The following RGL3 variants were observed in gnomAD, a reference collection of about 807,000 sequenced individuals.
RGL3 encodes ral guanine nucleotide dissociation stimulator-like 3.
Under a neutral mutation model 90.6 loss-of-function variants are expected in RGL3, and 85 were observed. The observed-to-expected ratio is 0.94, with a 90% confidence interval of 0.79 to 1.12. The LOEUF is 1.12. Among genes scored for constraint, RGL3 ranks in the 50% most tolerant of loss-of-function variants. The pLI, the probability that RGL3 is intolerant of heterozygous loss-of-function variation, is 0.00. For missense variants in RGL3, 1,034 were observed against 939.2 expected, an observed-to-expected ratio of 1.10 and a Z score of -1.32; for synonymous variants, 408 against 385.5, an observed-to-expected ratio of 1.06 and a Z score of -0.68.
At position 11,410,393 on chromosome 19, in the gene RGL3, T is replaced by C. The variant is rs929724429; in HGVS notation, c.638-3529A>G. Among the ~76,000 whole-genome samples the C allele has an allele frequency of 2.6e-5, 4 of 152,178 alleles. No individual in the cohort carries two copies. The South Asian group carries it at 8.3e-4, about 32-fold the overall frequency. Reference sequence around the variant, plus strand: ...CAGGTGGCATTGCAAAATATTAGTTTTTAGAAGTGGGTACTGGGCTGGGCA... The same window carrying C: ...CAGGTGGCATTGCAAAATATTAGTTCTTAGAAGTGGGTACTGGGCTGGGCA... On this transcript the variant is annotated intron_variant, in intron 5 of 18. Transcript: ENST00000380456.
At chr19:11,414,502 T>TATATATACACCTTC (rs1968953410) in intron 5 of RGL3, among the ~76,000 whole-genome samples, 2 of 79,152 alleles carry the variant, frequency 2.5e-5, no homozygotes, top group African/African-American at 5.1e-5. Flanking sequence ...TATATATATA[T>TATATATACACCTTC]ATATATATAT....
At position 11,414,134 on chromosome 19, in the gene RGL3, CATATATATAT is replaced by C. The variant is rs56098998; in HGVS notation, c.637+1793_637+1802del. On this transcript the variant is annotated intron_variant, in intron 5 of 18. Transcript: ENST00000380456. Reference sequence around the variant, plus strand: ...ATGACTTGGAATCAGCTGGAGAAATCATATATATATATATATATATATATATATATATATA... The same window carrying C: ...ATGACTTGGAATCAGCTGGAGAAATCATATATATATATATATATATATATA... 9.6e-3 allele frequency among the ~76,000 whole-genome samples: 291 copies of C among 30,422 alleles called. 7 individuals carry two copies. Among genetic ancestry groups the C allele is most frequent in the African/African-American group, 0.012 (70 of 5,782 alleles). 20.0% of individuals were successfully genotyped at this position (30,422 alleles called of 152,430 possible).
intron 4 of RGL3, 94 bp downstream of exon 4, chr19:11,416,520 C>T: frequency 8.0e-7 from 1 of 1,257,380 alleles, no homozygotes; most frequent in East Asian, 2.3e-5. Flanking sequence ...CTCTTATTAC[C>T]CAACCTGCAA....
chr19:11,405,202 G>A lies in RGL3; in HGVS notation c.1130C>T (p.Ser377Leu). Residue 377 changes from serine to leucine, a missense_variant, in exon 9 of 19, where the codon TCG becomes TTG. Physicochemically the swap from Ser to Leu is moderately radical, Grantham distance 145. Transcript: ENST00000380456. The stretch of plus-strand genomic sequence containing the variant: ...GTTGTTCTCATCGGAGAAAATCTGC[G>A]AAAGTTTCCTGAAAGTAGATAGCGG... ...REPLSTFRKL[S>L]QIFSDENNHL... 1 of 1,614,124 alleles carries A rather than the reference G, an allele frequency of 6.2e-7. No individual in the cohort carries two copies. The highest frequency in any genetic ancestry group is 2.2e-5 in the East Asian group (1 of 44,872).
At position 11,394,312 on chromosome 19, in the gene RGL3, G is replaced by A. The variant is rs1968526160; in HGVS notation, c.*90C>T. On this transcript the variant is annotated 3_prime_UTR_variant, in exon 19 of 19. Coordinates refer to ENST00000380456, the MANE Select transcript of RGL3 (RefSeq NM_001035223.4). ...TGGTGGTCCTGGGATACACAGCACAGTGGCCTCTACTGGGGGATGGCAGCT... is the reference window on the plus strand; with the variant it reads ...TGGTGGTCCTGGGATACACAGCACAATGGCCTCTACTGGGGGATGGCAGCT... 1.1e-6 allele frequency: 1 copy of A among 940,746 alleles called. No homozygotes were observed. Among genetic ancestry groups the A allele is most frequent in the Admixed American group, 1.7e-5 (1 of 58,650 alleles). The allele number at this position is 940,746 out of a possible 1,614,324, so 58.3% of individuals were successfully genotyped here.
At chr19:11,410,121 T>C (rs955505014) in intron 5 of RGL3, among the ~76,000 whole-genome samples, 2 of 149,518 alleles carry the variant, frequency 1.3e-5, no homozygotes, top group Non-Finnish European at 3.0e-5. Flanking sequence ...TAAATATATA[T>C]ATATTTTTTT....
rs928148950 is a variant in RGL3, at chr19:11,399,922, G to A, written c.1679C>T (p.Pro560Leu). 2.5e-5 allele frequency: 39 copies of A among 1,539,978 alleles called. No individual in the cohort carries two copies. Among genetic ancestry groups the A allele is most frequent in the Non-Finnish European group, 3.2e-5 (37 of 1,150,476 alleles). Reference sequence around the variant, plus strand: ...GCCAGCAGGAGCATCTCTGCTTCTAGGACTTGAGGGGGGTGACCCTGGGGA... The same window carrying A: ...GCCAGCAGGAGCATCTCTGCTTCTAAGACTTGAGGGGGGTGACCCTGGGGA... ...SVSPGSPPSS[P>L]RSRDAPAGSP... Residue 560 changes from proline to leucine, a missense_variant, in exon 16 of 19, where the codon CCT becomes CTT. Transcript: ENST00000380456.
chr19:11,414,167 A>ACC (rs1200677170), intron 5 of RGL3, among the ~76,000 whole-genome samples: 10 of 110,996 alleles, frequency 9.0e-5, no homozygotes, highest in African/African-American at 3.8e-4. Context: ...ATATATATAT[A>ACC]TATATATATA....
At chr19:11,409,732 C>T (rs1024703241) in intron 5 of RGL3, among the ~76,000 whole-genome samples, 8 of 152,128 alleles carry the variant, frequency 5.3e-5, no homozygotes, top group Admixed American at 2.0e-4. Flanking sequence ...CCCTCCTGTG[C>T]GTTCGTTGGT....
intron 5 of RGL3, among the ~76,000 whole-genome samples, chr19:11,412,173 G>T (rs370004743): frequency 6.6e-6 from 1 of 151,324 alleles, no homozygotes; most frequent in East Asian, 1.9e-4. Context: ...CCAGCTACTC[G>T]GGAGGCTGAG....
At chr19:11,398,892 A>T (rs544241668) in intron 16 of RGL3, among the ~76,000 whole-genome samples, 1 of 148,564 alleles carries the variant, frequency 6.7e-6, no homozygotes, top group African/African-American at 2.5e-5. Context: ...GATGGTCTCG[A>T]TCTCTTGACC....
intron 5 of RGL3, among the ~76,000 whole-genome samples, chr19:11,408,063 G>T (rs564706955): frequency 4.0e-5 from 6 of 151,842 alleles, no homozygotes; most frequent in Admixed American, 3.9e-4. Flanking sequence ...AACCTTTTGG[G>T]CTCCAGTGAT....
chr19:11,416,359 TTTG>T lies in RGL3; in HGVS notation c.426-214_426-212del, dbSNP rs138444621. 4.0e-3 allele frequency: 2,487 copies of T among 616,000 alleles called. 56 individuals are homozygous for T. In the African/African-American group the frequency reaches 0.041, roughly 10 times the overall value. 38.2% of individuals were successfully genotyped at this position (616,000 alleles called of 1,614,324 possible). On this transcript the variant is annotated intron_variant, in intron 4 of 18. Transcript: ENST00000380456. Reference sequence around the variant, plus strand: ...GCGCCACCACACCCAGCTACCTTTTTTTGTTGTTGTTGTATTTTTAGTAGAGAC... The same window carrying T: ...GCGCCACCACACCCAGCTACCTTTTTTTGTTGTTGTATTTTTAGTAGAGAC...
intron 11 of RGL3, 27 bp from the exon 12 acceptor site, chr19:11,402,274 A>C (rs1337080380): frequency 6.2e-7 from 1 of 1,611,530 alleles, no homozygotes; most frequent in Non-Finnish European, 8.5e-7. Flanking sequence ...TCTGAATTGC[A>C]GCACCCAGGG....
At chr19:11,402,363 AG>A (rs1197418864) in intron 11 of RGL3, 91 bp downstream of exon 11, 58 of 1,568,554 alleles carry the variant, frequency 3.7e-5, no homozygotes, top group Non-Finnish European at 5.0e-5. Context: ...TGGTGTCAGG[AG>A]TACAGGTAGG....
chr19:11,394,386 A>C lies in RGL3; in HGVS notation c.*16T>G. 1 of 1,590,540 alleles carries C rather than the reference A, an allele frequency of 6.3e-7. No individual in the cohort carries two copies. Among genetic ancestry groups the C allele is most frequent in the Non-Finnish European group, 8.6e-7 (1 of 1,158,762 alleles). On this transcript the variant is annotated 3_prime_UTR_variant, in exon 19 of 19. Transcript: ENST00000380456. ...TGCCTGTGGGACTTGTGTCTTGTGG[A>C]GAGGACAGGGCTGCCTCAGCTTGGG...
intron 9 of RGL3, among the ~76,000 whole-genome samples, chr19:11,403,938 GT>G (rs1968725178): frequency 6.6e-6 from 1 of 152,132 alleles, no homozygotes; most frequent in Admixed American, 6.5e-5. Context: ...CTGGAGTGCA[GT>G]GGCCTGATCT....
chr19:11,397,396 G>T (rs772673468), intron 17 of RGL3, 38 bp from the exon 18 acceptor site: 2 of 1,587,268 alleles, frequency 1.3e-6, no homozygotes, highest in African/African-American at 2.7e-5. Flanking sequence ...GAGGGCCCCG[G>T]CCCCAAGGGC....
At chr19:11,394,682 G>A in intron 18 of RGL3, 162 bp from the exon 19 acceptor site, 1 of 608,576 alleles carries the variant, frequency 1.6e-6, no homozygotes, top group South Asian at 1.9e-5. Flanking sequence ...TGGGAACCTG[G>A]ACGACTTCTC....
Sources: allele counts gnomAD v4.1 joint callset (sites outside exome capture counted in the v4.1 genomes callset), GRCh38; gene constraint gnomAD v4.1.1; transcripts MANE v1.5; gene names NCBI Gene and HGNC (gene_info 2026-07-23, HGNC 2026-07-21).